CNPY4: variants seen among roughly 807,000 people sequenced by gnomAD.
CNPY4 encodes canopy FGF signaling regulator 4.
Under a neutral mutation model 30.1 loss-of-function variants are expected in CNPY4, and 33 were observed. The ratio of observed to expected loss-of-function variants is 1.10; its 90% CI spans 0.83 to 1.46. The LOEUF is 1.46. Among genes scored for constraint, CNPY4 ranks in the 40% most tolerant of loss-of-function variants. CNPY4 has a pLI of 0.00. For missense variants in CNPY4, 324 were observed against 302.6 expected, an observed-to-expected ratio of 1.07 and a Z score of -0.52; for synonymous variants, 109 against 110.1, an observed-to-expected ratio of 0.99 and a Z score of 0.06.
chr7:100,125,047 A>ATGGCCGCTGTCTTGTTAAGCTCAAGCTC lies in CNPY4; in HGVS notation c.*159_*160insTGGCCGCTGTCTTGTTAAGCTCAAGCTC. The ATGGCCGCTGTCTTGTTAAGCTCAAGCTC allele has an allele frequency of 1.2e-6, 1 of 809,378 alleles. No homozygotes were observed. The highest frequency in any genetic ancestry group is 1.9e-5 in the South Asian group (1 of 51,904). The allele number at this position is 809,378 out of a possible 1,614,324, so 50.1% of individuals were successfully genotyped here. The stretch of plus-strand genomic sequence containing the variant: ...TAACCTCAGGCAAGATCCTGGTGAA[A>ATGGCCGCTGTCTTGTTAAGCTCAAGCTC]CAGCATGACATGGCTTCTGGGGTGG... On this transcript the variant is annotated 3_prime_UTR_variant, in exon 6 of 6. Coordinates refer to ENST00000262932, the MANE Select transcript of CNPY4 (RefSeq NM_152755.2).
chr7:100,119,858 C>G lies in CNPY4; in HGVS notation c.114C>G (p.Cys38Trp), dbSNP rs143409974. ...ACACAGAACGCTTGCCCAGCAAATG[C>G]GAAGGTATTTGAAGGGGGTAGCCCC... is the stretch of plus-strand genomic sequence containing the variant. ...DDDTERLPSK[C>W]EVCKLLSTEL... Residue 38 changes from cysteine (C) to tryptophan (W), a missense_variant, in exon 1 of 6, where the codon TGC (cysteine) becomes TGG (tryptophan). Cys to Trp is a radical substitution (Grantham distance 215, BLOSUM62 -2). Coordinates refer to ENST00000262932, the MANE Select transcript of CNPY4 (RefSeq NM_152755.2). 3 of 1,611,196 alleles carry G rather than the reference C, an allele frequency of 1.9e-6. No individual in the cohort carries two copies. The highest frequency in any genetic ancestry group is 2.5e-6 in the Non-Finnish European group (3 of 1,178,924).
At chr7:100,121,112 ATATATT>A (rs1798040624) in intron 1 of CNPY4, 2 of 30,710 alleles carry the variant, frequency 6.5e-5, no homozygotes, top group Non-Finnish European at 5.8e-5. Flanking sequence ...ATATATATAT[ATATATT>A]TTTTTTTTTT....
intron 4 of CNPY4, among the ~76,000 whole-genome samples, chr7:100,123,853 A>G (rs1798146075): frequency 6.6e-6 from 1 of 152,128 alleles, no homozygotes; most frequent in Non-Finnish European, 1.5e-5. Flanking sequence ...ATAATGGGCC[A>G]GGTGCGATGG....
chr7:100,120,033 C>T, intron 1 of CNPY4, 171 bp downstream of exon 1: 1 of 538,876 alleles, frequency 1.9e-6, no homozygotes, highest in Non-Finnish European at 3.2e-6. Flanking sequence ...ACGTGTAGTG[C>T]CACCTCAAAC....
chr7:100,120,891 AC>A, intron 1 of CNPY4, among the ~76,000 whole-genome samples: 1 of 152,090 alleles, frequency 6.6e-6, no homozygotes, highest in Non-Finnish European at 1.5e-5. Flanking sequence ...ACTGACAGAG[AC>A]CTGTAGATAG....
Position 100,124,801 on chromosome 7 carries a change from G to C in CNPY4, c.660G>C (p.Glu220Asp). ...AAACAGAAGGGGAGGAAGAGCAGGAGGAGGAGGAGGAAGAGGAGGAAGAGG... is the reference window on the plus strand; with the variant it reads ...AAACAGAAGGGGAGGAAGAGCAGGACGAGGAGGAGGAAGAGGAGGAAGAGG... ...EEKTEGEEEQ[E>D]EEEEEEEEEG... The change falls in exon 6 of 6, where the codon GAG becomes GAC. Residue 220 changes from glutamate to aspartate, a missense_variant. Physicochemically the swap from Glu to Asp is conservative, Grantham distance 45. Coordinates refer to ENST00000262932, the MANE Select transcript of CNPY4 (RefSeq NM_152755.2). 6.3e-7 allele frequency: 1 copy of C among 1,595,946 alleles called. No homozygotes were observed. Among genetic ancestry groups the C allele is most frequent in the Non-Finnish European group, 8.5e-7 (1 of 1,179,264 alleles).
intron 1 of CNPY4, chr7:100,121,116 A>ATATATAT (rs1584585316): frequency 1.7e-4 from 9 of 52,760 alleles, no homozygotes; most frequent in Non-Finnish European, 2.2e-4. Flanking sequence ...ATATATATAT[A>ATATATAT]TTTTTTTTTT....
At chr7:100,121,875 CCT>C (rs1428001896) in intron 1 of CNPY4, among the ~76,000 whole-genome samples, 3 of 135,772 alleles carry the variant, frequency 2.2e-5, no homozygotes, top group Non-Finnish European at 5.0e-5. Context: ...ACGGTGAAAC[CCT>C]GTCTCTACTA....
At chr7:100,120,553 CCCT>C in intron 1 of CNPY4, among the ~76,000 whole-genome samples, 1 of 152,278 alleles carries the variant, frequency 6.6e-6, no homozygotes, top group Middle Eastern at 3.4e-3. Context: ...TCGCTTCACC[CCCT>C]CAACTGTATT....
chr7:100,119,696 T>C lies in CNPY4; in HGVS notation c.-49T>C. On this transcript the variant is annotated 5_prime_UTR_variant, in exon 1 of 6. Coordinates refer to ENST00000262932, the MANE Select transcript of CNPY4 (RefSeq NM_152755.2). ...GGGAATTTAAGGGACCCACACTACCTTCCCGAAGTTGAAGGCAAGCGGTGA... is the reference window on the plus strand; with the variant it reads ...GGGAATTTAAGGGACCCACACTACCCTCCCGAAGTTGAAGGCAAGCGGTGA... 6.2e-7 allele frequency: 1 copy of C among 1,613,872 alleles called. No homozygotes were observed. Among genetic ancestry groups the C allele is most frequent in the South Asian group, 1.1e-5 (1 of 91,052 alleles).
At chr7:100,120,748 G>C (rs1258397363) in intron 1 of CNPY4, among the ~76,000 whole-genome samples, 1 of 152,042 alleles carries the variant, frequency 6.6e-6, no homozygotes, top group Non-Finnish European at 1.5e-5. Flanking sequence ...TACAGCCAAC[G>C]GGCCTGGGCA....
intron 5 of CNPY4, 44 bp downstream of exon 5, chr7:100,124,675 C>T (rs1280620877): frequency 6.2e-7 from 1 of 1,611,848 alleles, no homozygotes; most frequent in Non-Finnish European, 8.5e-7. Flanking sequence ...GCCATAGCCT[C>T]CCCTGCCTCC....
At position 100,124,442 on chromosome 7, in the gene CNPY4, C is replaced by G. The variant is rs567701245; in HGVS notation, c.466-72C>G. On this transcript the variant is annotated intron_variant, in intron 4 of 5. Coordinates refer to ENST00000262932, the MANE Select transcript of CNPY4 (RefSeq NM_152755.2). ...CCTCTCCAAAATCAGTCAGGTTGAG[C>G]AGGGAGAGAAGACAGGCGGGATCCC... is the stretch of plus-strand genomic sequence containing the variant. 1.2e-5 allele frequency: 14 copies of G among 1,208,530 alleles called. No homozygotes were observed. In the East Asian group the frequency reaches 2.6e-4, roughly 22 times the overall value. The allele number at this position is 1,208,530 out of a possible 1,614,324, so 74.9% of individuals were successfully genotyped here.
intron 1 of CNPY4, 131 bp from the exon 2 acceptor site, chr7:100,122,128 C>G (rs1308056545): frequency 8.8e-7 from 1 of 1,135,916 alleles, no homozygotes; most frequent in Non-Finnish European, 1.2e-6. Flanking sequence ...ATGGCTGAGC[C>G]AGGATTCCAA....
At chr7:100,120,972 G>A (rs1198243562) in intron 1 of CNPY4, among the ~76,000 whole-genome samples, 2 of 151,220 alleles carry the variant, frequency 1.3e-5, no homozygotes, top group Non-Finnish European at 1.5e-5. Flanking sequence ...ATAACTGCAG[G>A]ATAACAGTGA....
At chr7:100,121,781 TG>T (rs772444835) in intron 1 of CNPY4, among the ~76,000 whole-genome samples, 1 of 147,004 alleles carries the variant, frequency 6.8e-6, no homozygotes, top group Non-Finnish European at 1.5e-5. Flanking sequence ...CCGGGCGTGG[TG>T]GCTCACGCCT....
chr7:100,119,933 C>T (rs974582202), intron 1 of CNPY4, 71 bp downstream of exon 1: 4 of 1,423,154 alleles, frequency 2.8e-6, no homozygotes, highest in Admixed American at 4.6e-5. Context: ...GACATCCTAG[C>T]CTGTATTGGG....
At chr7:100,121,110 A>ATTTTTTTTTTTTTTTTTTTTTTT (rs1798036782) in intron 1 of CNPY4, 3 of 28,398 alleles carry the variant, frequency 1.1e-4, no homozygotes, top group Non-Finnish European at 2.1e-4. Context: ...ATATATATAT[A>ATTTTTTTTTTTTTTTTTTTTTTT]TATATATTTT....
At chr7:100,119,985 T>A in intron 1 of CNPY4, 123 bp downstream of exon 1, 1 of 844,506 alleles carries the variant, frequency 1.2e-6, no homozygotes, top group Non-Finnish European at 1.8e-6. Flanking sequence ...GAGGTTCTGG[T>A]GGAGCTTGGC....
Sources: allele counts gnomAD v4.1 joint callset (sites outside exome capture counted in the v4.1 genomes callset), GRCh38; gene constraint gnomAD v4.1.1; transcripts MANE v1.5; gene names NCBI Gene and HGNC (gene_info 2026-07-23, HGNC 2026-07-21).